CTIF: variants seen among roughly 807,000 people sequenced by gnomAD.
CTIF encodes the protein cap binding complex dependent translation initiation factor, also known as CBP80/20-dependent translation initiation factor.
Under a neutral mutation model 66.0 loss-of-function variants are expected in CTIF, and 21 were observed. The observed-to-expected ratio is 0.32, with a 90% confidence interval of 0.23 to 0.46. The LOEUF (loss-of-function observed/expected upper bound fraction) is 0.46, where lower values mean the gene tolerates loss of function less well. Ranked by LOEUF, CTIF falls within the 20% of genes least tolerant of loss-of-function variation. The pLI is 1.00. For synonymous variants in CTIF, 345 were observed against 326.4 expected (o/e 1.06, Z -0.62); for missense variants, 739 against 812.7 (o/e 0.91, Z 1.10).
chr18:48,689,692 C>T (rs910179306), intron 6 of CTIF, among the ~76,000 whole-genome samples: 1 of 152,178 alleles, frequency 6.6e-6, no homozygotes, highest in Non-Finnish European at 1.5e-5. Flanking sequence ...CGCAGATGAG[C>T]TGAATTCTCA....
At chr18:48,643,539 A>T (rs1447628808) in intron 3 of CTIF, among the ~76,000 whole-genome samples, 1 of 152,104 alleles carries the variant, frequency 6.6e-6, no homozygotes, top group Non-Finnish European at 1.5e-5. Flanking sequence ...AGATCAGATA[A>T]TTTATTTATG....
At chr18:48,571,974 G>T (rs1162482744) in intron 1 of CTIF, among the ~76,000 whole-genome samples, 1 of 152,178 alleles carries the variant, frequency 6.6e-6, no homozygotes, top group Non-Finnish European at 1.5e-5. Flanking sequence ...TCCAAAATCT[G>T]CAAGGCAGCA....
chr18:48,836,585 C>A (rs932161550), intron 10 of CTIF, among the ~76,000 whole-genome samples: 10 of 152,222 alleles, frequency 6.6e-5, no homozygotes, highest in African/African-American at 2.4e-4. Context: ...AACATCCCAC[C>A]AGGTCCCCCT....
intron 10 of CTIF, among the ~76,000 whole-genome samples, chr18:48,835,837 G>A (rs1390761784): frequency 6.9e-6 from 1 of 145,842 alleles, no homozygotes; most frequent in Non-Finnish European, 1.5e-5. Context: ...CCCCCCACCT[G>A]CCCTCACCCC....
chr18:48,789,917 T>C (rs1434932983), intron 9 of CTIF, among the ~76,000 whole-genome samples: 1 of 152,228 alleles, frequency 6.6e-6, no homozygotes. Context: ...GGCCCCTGGC[T>C]TTGAATGCTG....
At chr18:48,737,433 G>A (rs2092512790) in intron 7 of CTIF, among the ~76,000 whole-genome samples, 1 of 152,236 alleles carries the variant, frequency 6.6e-6, no homozygotes, top group South Asian at 2.1e-4. Context: ...GCAAGCTGCT[G>A]CACATGGAAT....
intron 11 of CTIF, among the ~76,000 whole-genome samples, chr18:48,858,929 G>A (rs2146685568): frequency 6.6e-6 from 1 of 152,298 alleles, no homozygotes; most frequent in African/African-American, 2.4e-5. Context: ...CATTGCCAGA[G>A]AGACGCCCCA....
chr18:48,818,284 G>A (rs1433686239), intron 10 of CTIF, among the ~76,000 whole-genome samples: 3 of 152,208 alleles, frequency 2.0e-5, no homozygotes, highest in Non-Finnish European at 4.4e-5. Context: ...TCGGAGTGAG[G>A]GCGAAGAGCA....
chr18:48,729,138 G>C (rs986491399), intron 7 of CTIF, among the ~76,000 whole-genome samples: 28 of 152,268 alleles, frequency 1.8e-4, no homozygotes, highest in African/African-American at 6.7e-4. Flanking sequence ...CATCAGTGAA[G>C]ACGCTTCCTG....
intron 9 of CTIF, among the ~76,000 whole-genome samples, chr18:48,797,696 G>A (rs950619714): frequency 4.6e-5 from 7 of 152,216 alleles, no homozygotes; most frequent in African/African-American, 9.6e-5. Flanking sequence ...GCCCTTCCAC[G>A]TGTTCCTCAG....
At chr18:48,792,149 G>GAA (rs1205164844) in intron 9 of CTIF, among the ~76,000 whole-genome samples, 1 of 152,228 alleles carries the variant, frequency 6.6e-6, no homozygotes, top group Non-Finnish European at 1.5e-5. Flanking sequence ...AGGGTGATTG[G>GAA]AAAAGAGCTC....
At chr18:48,821,824 T>C (rs184867688) in intron 10 of CTIF, among the ~76,000 whole-genome samples, 1 of 152,356 alleles carries the variant, frequency 6.6e-6, no homozygotes, top group East Asian at 1.9e-4. Flanking sequence ...CTATTTTTAG[T>C]TTTACTGTGG....
chr18:48,715,577 G>T (rs1335851854), intron 7 of CTIF, among the ~76,000 whole-genome samples: 2 of 152,132 alleles, frequency 1.3e-5, no homozygotes, highest in African/African-American at 2.4e-5. Flanking sequence ...TCACTAGAGG[G>T]CTGGAGACCC....
chr18:48,677,786 T>G (rs948929935), intron 6 of CTIF, among the ~76,000 whole-genome samples: 1 of 152,126 alleles, frequency 6.6e-6, no homozygotes, highest in East Asian at 1.9e-4. Flanking sequence ...ATCTAGGGGC[T>G]CATTAAATAT....
At chr18:48,548,790 C>T (rs1411522620) in intron 1 of CTIF, among the ~76,000 whole-genome samples, 1 of 152,236 alleles carries the variant, frequency 6.6e-6, no homozygotes, top group East Asian at 1.9e-4. Flanking sequence ...GTTTAGTGGA[C>T]ACACATGGTA....
intron 1 of CTIF, among the ~76,000 whole-genome samples, chr18:48,563,620 C>T (rs2089213195): frequency 1.3e-5 from 2 of 152,190 alleles, no homozygotes; most frequent in Admixed American, 1.3e-4. Flanking sequence ...TATAGGTGCA[C>T]ACCACCACAC....
At chr18:48,714,032 A>G (rs80168745) in intron 7 of CTIF, among the ~76,000 whole-genome samples, 14,639 of 152,190 alleles carry the variant, frequency 0.096, 923 homozygotes, top group Non-Finnish European at 0.13. Flanking sequence ...GCAGGCAGCC[A>G]TATAGTTTAA....
At chr18:48,679,761 T>C (rs190567728) in intron 6 of CTIF, among the ~76,000 whole-genome samples, 12 of 152,042 alleles carry the variant, frequency 7.9e-5, no homozygotes, top group Admixed American at 7.9e-4. Context: ...TTTTTGGGGG[T>C]CTTGATTCTA....
chr18:48,716,923 G>A (rs1428280109), intron 7 of CTIF, among the ~76,000 whole-genome samples: 2 of 152,244 alleles, frequency 1.3e-5, no homozygotes, highest in Non-Finnish European at 2.9e-5. Flanking sequence ...ACCTTAGCCA[G>A]CCCAGCTAGT....
Sources: allele counts gnomAD v4.1 joint callset (sites outside exome capture counted in the v4.1 genomes callset), GRCh38; gene constraint gnomAD v4.1.1; transcripts MANE v1.5; gene names NCBI Gene and HGNC (gene_info 2026-07-23, HGNC 2026-07-21).